The following ASTN1 variants were observed in gnomAD, a reference collection of about 807,000 sequenced individuals.
The protein encoded by ASTN1 is astrotactin-1.
A neutral mutation model predicts 140.7 loss-of-function variants in ASTN1; 41 were observed. The ratio of observed to expected loss-of-function variants is 0.29; its 90% confidence interval spans 0.23 to 0.38. The LOEUF (loss-of-function observed/expected upper bound fraction) is 0.38. ASTN1 is among the 10% of genes least tolerant of loss of function. The pLI, the probability that ASTN1 is intolerant of heterozygous loss-of-function variation, is 1.00. For missense variants in ASTN1, 1,479 were observed against 1,678.8 expected (o/e 0.88, Z 2.08); for synonymous variants, 640 against 652.2 (o/e 0.98, Z 0.29).
chr1:176,951,142 T>C (rs1485189365), intron 11 of ASTN1, among the ~76,000 whole-genome samples: 1 of 152,158 alleles, frequency 6.6e-6, no homozygotes, highest in African/African-American at 2.4e-5. Flanking sequence ...GCAGCTGGAG[T>C]GCTGGAAGGT....
In ASTN1 at chr1:176,863,377, G is replaced by T; in HGVS notation, c.*907C>A. 1.0e-6 allele frequency: 1 copy of T among 985,838 alleles called. No homozygotes were observed. The highest frequency in any genetic ancestry group is 1.2e-6 in the Non-Finnish European group (1 of 829,960). The allele number at this position is 985,838 out of a possible 1,614,324, so 61.1% of individuals were successfully genotyped here. A position where few individuals can be genotyped will look rare whatever the true frequency, so the allele number is the denominator to read the frequency against. On this transcript the variant is annotated 3_prime_UTR_variant, in exon 23 of 23. Transcript: ENST00000361833. ...TACCTGTCCAAGGTAAGAGGTGTGG[G>T]GGTTAAAGATAATCCAGGCACATGG...
At chr1:176,857,639 C>T (rs184477923), downstream of ASTN1, 75 of 624,434 alleles carry the variant, frequency 1.2e-4, 1 homozygote, top group Admixed American at 7.0e-4. Context: ...ACTGTCCCAA[C>T]ACGCTGGAAG....
chr1:176,861,295 G>A lies in ASTN1; in HGVS notation c.*2989C>T, dbSNP rs944537003. 1.0e-6 allele frequency: 1 copy of A among 985,580 alleles called. No individual in the cohort carries two copies. Among genetic ancestry groups the A allele is most frequent in the African/African-American group, 1.7e-5 (1 of 57,188 alleles). The allele number at this position is 985,580 out of a possible 1,614,324, so 61.1% of individuals were successfully genotyped here. A position where few individuals can be genotyped will look rare whatever the true frequency, so the allele number is the denominator to read the frequency against. ...AATAATGAACGGACCAAACTCCATGGAAAACGATTGCACACTCAATTAAAA... is the reference window on the plus strand; with the variant it reads ...AATAATGAACGGACCAAACTCCATGAAAAACGATTGCACACTCAATTAAAA... On this transcript the variant is annotated 3_prime_UTR_variant, in exon 23 of 23. Coordinates refer to ENST00000361833, the MANE Select transcript of ASTN1 (RefSeq NM_004319.3).
intron 8 of ASTN1, among the ~76,000 whole-genome samples, chr1:176,972,694 T>A (rs1251019801): frequency 6.6e-6 from 1 of 151,474 alleles, no homozygotes; most frequent in Non-Finnish European, 1.5e-5. Context: ...ACCATATAAA[T>A]CTCATGCAAA....
chr1:177,067,938 AG>A (rs1224519354), intron 1 of ASTN1, among the ~76,000 whole-genome samples: 5 of 152,242 alleles, frequency 3.3e-5, no homozygotes, highest in African/African-American at 1.2e-4. Flanking sequence ...CTCTCGCCAT[AG>A]GGACCATCTG....
At chr1:176,920,796 A>G (rs1670691786) in intron 16 of ASTN1, among the ~76,000 whole-genome samples, 1 of 152,178 alleles carries the variant, frequency 6.6e-6, no homozygotes, top group African/African-American at 2.4e-5. Context: ...CATTCCTAGT[A>G]CCTAACACTG....
chr1:177,046,531 G>T (rs1174506981), intron 2 of ASTN1, among the ~76,000 whole-genome samples: 3 of 152,110 alleles, frequency 2.0e-5, no homozygotes, highest in African/African-American at 7.2e-5. Flanking sequence ...TCTGGGAGGG[G>T]CCCTCTTCAT....
At chr1:177,108,347 C>CAAAAAAAAAAAAAAAAAAAGAAAA (rs1680651102) in intron 1 of ASTN1, among the ~76,000 whole-genome samples, 1 of 98,598 alleles carries the variant, frequency 1.0e-5, no homozygotes, top group African/African-American at 4.1e-5. Context: ...GACTCCGTCT[C>CAAAAAAAAAAAAAAAAAAAGAAAA]AAAAAAAAAA....
At chr1:176,867,579 CTT>C (rs1185247344) in intron 22 of ASTN1, among the ~76,000 whole-genome samples, 3 of 152,184 alleles carry the variant, frequency 2.0e-5, no homozygotes, top group Admixed American at 2.0e-4. Flanking sequence ...TGGTGGCTCT[CTT>C]TGTCCAAGAA....
intron 16 of ASTN1, among the ~76,000 whole-genome samples, chr1:176,924,658 G>A (rs934102107): frequency 6.6e-6 from 1 of 152,144 alleles, no homozygotes. Flanking sequence ...TAAATGAACA[G>A]CCCATCCCAG....
chr1:176,926,608 T>A (rs1670982162), intron 16 of ASTN1, among the ~76,000 whole-genome samples: 1 of 152,170 alleles, frequency 6.6e-6, no homozygotes, highest in African/African-American at 2.4e-5. Context: ...TCAGCGAACA[T>A]TTGTTGAATG....
intron 14 of ASTN1, among the ~76,000 whole-genome samples, chr1:176,941,841 C>T (rs183178348): frequency 6.6e-5 from 10 of 152,264 alleles, no homozygotes; most frequent in Admixed American, 6.5e-4. Context: ...CGCACGTCTT[C>T]AAGGCATTTT....
At chr1:176,962,616 G>A (rs1672715156) in intron 9 of ASTN1, among the ~76,000 whole-genome samples, 1 of 152,166 alleles carries the variant, frequency 6.6e-6, no homozygotes, top group African/African-American at 2.4e-5. Context: ...ATAGGCATTT[G>A]CAGGGGTAAA....
At chr1:177,064,265 A>G (rs1006709081) in intron 1 of ASTN1, among the ~76,000 whole-genome samples, 4 of 152,212 alleles carry the variant, frequency 2.6e-5, no homozygotes, top group African/African-American at 9.6e-5. Context: ...CAGTCTTTTA[A>G]GTTTTTATAC....
chr1:176,926,219 C>A (rs995803135), intron 16 of ASTN1, among the ~76,000 whole-genome samples: 1 of 147,562 alleles, frequency 6.8e-6, no homozygotes. Flanking sequence ...GAGGGTAAGA[C>A]TTAAATGATA....
intron 1 of ASTN1, among the ~76,000 whole-genome samples, chr1:177,098,796 G>A (rs751358567): frequency 2.0e-5 from 3 of 152,170 alleles, no homozygotes; most frequent in Non-Finnish European, 4.4e-5. Flanking sequence ...TGTAGATCAT[G>A]AGAAAAATAA....
intron 1 of ASTN1, among the ~76,000 whole-genome samples, chr1:177,076,539 T>G (rs1303022535): frequency 6.6e-6 from 1 of 150,630 alleles, no homozygotes; most frequent in Non-Finnish European, 1.5e-5. Context: ...TTTTTTTTTA[T>G]GAGATGGAGT....
chr1:176,914,190 A>G (rs556887097), intron 16 of ASTN1, among the ~76,000 whole-genome samples: 41 of 152,226 alleles, frequency 2.7e-4, no homozygotes, highest in Non-Finnish European at 4.8e-4. Flanking sequence ...CAGAATTATC[A>G]GTAGAAAAGT....
intron 12 of ASTN1, among the ~76,000 whole-genome samples, 193 bp downstream of exon 12, chr1:176,948,992 G>T (rs571159849): frequency 2.6e-5 from 4 of 152,104 alleles, no homozygotes; most frequent in Non-Finnish European, 5.9e-5. Context: ...ACTAGACTTA[G>T]GTCCCACACA....
Sources: gnomAD v4.1 joint callset for allele counts (sites outside exome capture counted in the v4.1 genomes callset) on GRCh38, gnomAD v4.1.1 for gene constraint, MANE v1.5 for transcripts, NCBI Gene and HGNC (gene_info 2026-07-23, HGNC 2026-07-21) for gene names.